The following BCAR3 variants were observed in gnomAD, a reference collection of about 807,000 sequenced individuals.
BCAR3 encodes BCAR3 adaptor protein, NSP family member.
In BCAR3, 37 loss-of-function variants were observed where a neutral mutation model predicts 80.1. The observed-to-expected ratio is 0.46, with a 90% CI of 0.36 to 0.61. The LOEUF is 0.61. Among genes scored for constraint, BCAR3 ranks in the 20% least tolerant of loss-of-function variants. The pLI is 0.00. For missense variants in BCAR3, 978 were observed against 1,068.2 expected (o/e 0.92, Z 1.18); for synonymous variants, 389 against 418.9 (o/e 0.93, Z 0.87).
At chr1:93,728,312 G>C (rs555556858) in intron 2 of BCAR3, among the ~76,000 whole-genome samples, 1 of 152,234 alleles carries the variant, frequency 6.6e-6, no homozygotes, top group Non-Finnish European at 1.5e-5. Flanking sequence ...CGGGCAGGTC[G>C]TGGGGCTCCC....
At chr1:93,766,343 T>G (rs1014330976) in intron 2 of BCAR3, among the ~76,000 whole-genome samples, 1 of 152,196 alleles carries the variant, frequency 6.6e-6, no homozygotes, top group African/African-American at 2.4e-5. Flanking sequence ...TAACACTAAG[T>G]GTGCATGTGT....
At chr1:93,778,125 T>C (rs1019633008) in intron 2 of BCAR3, among the ~76,000 whole-genome samples, 1 of 152,200 alleles carries the variant, frequency 6.6e-6, no homozygotes, top group Non-Finnish European at 1.5e-5. Flanking sequence ...CTTCATCATA[T>C]GCAATTCCTC....
At chr1:93,829,470 G>A (rs965686811) in intron 2 of BCAR3, among the ~76,000 whole-genome samples, 2 of 151,930 alleles carry the variant, frequency 1.3e-5, no homozygotes, top group African/African-American at 4.8e-5. Flanking sequence ...CCTTATCTAT[G>A]CCTTCTCAGT....
At chr1:93,828,677 T>C (rs1428338424) in intron 2 of BCAR3, among the ~76,000 whole-genome samples, 1 of 152,220 alleles carries the variant, frequency 6.6e-6, no homozygotes, top group Non-Finnish European at 1.5e-5. Flanking sequence ...GTATTCATTT[T>C]TGAAGTCTCC....
chr1:93,812,395 A>G (rs572363607), intron 2 of BCAR3, among the ~76,000 whole-genome samples: 14 of 152,170 alleles, frequency 9.2e-5, no homozygotes, highest in Admixed American at 8.5e-4. Flanking sequence ...CAATCTTTTG[A>G]AAGCCCTCTC....
rs183650930 is a variant in BCAR3, at chr1:93,649,393, C to T, written c.318-7050G>A. On this transcript the variant is annotated intron_variant, in intron 2 of 11. Coordinates refer to ENST00000260502, the MANE Select transcript of BCAR3 (RefSeq NM_003567.4). ...TGCCCCAGAAACCACCCACACACAG[C>T]ACCTGGCTTGGCCAACTCTGGTTAT... is the stretch of plus-strand genomic sequence containing the variant. 8.5e-5 allele frequency among the ~76,000 whole-genome samples: 13 copies of T among 152,332 alleles called. No individual in the cohort carries two copies. In the East Asian group the frequency reaches 2.3e-3, roughly 27 times the overall value.
At chr1:93,834,348 C>T (rs1395383127) in intron 2 of BCAR3, among the ~76,000 whole-genome samples, 1 of 152,158 alleles carries the variant, frequency 6.6e-6, no homozygotes, top group Non-Finnish European at 1.5e-5. Context: ...TCTCCTATCC[C>T]TCAATACCTC....
intron 3 of BCAR3, among the ~76,000 whole-genome samples, chr1:93,631,508 G>A (rs1165909809): frequency 6.6e-6 from 1 of 152,198 alleles, no homozygotes; most frequent in African/African-American, 2.4e-5. Context: ...GAAAGCCAGG[G>A]TGGCAGAGGA....
At chr1:93,746,476 A>G (rs1464753310) in intron 2 of BCAR3, among the ~76,000 whole-genome samples, 1 of 152,204 alleles carries the variant, frequency 6.6e-6, no homozygotes, top group Non-Finnish European at 1.5e-5. Context: ...GAGTCTTAAA[A>G]AGAACACTAA....
chr1:93,634,980 T>G (rs1054972024), intron 3 of BCAR3, among the ~76,000 whole-genome samples: 2 of 152,152 alleles, frequency 1.3e-5, no homozygotes, highest in African/African-American at 4.8e-5. Flanking sequence ...ACACATGTAA[T>G]CCCAGCACTT....
chr1:93,677,476 T>C (rs57291093), intron 1 of BCAR3, among the ~76,000 whole-genome samples: 2,347 of 152,246 alleles, frequency 0.015, 65 homozygotes, highest in African/African-American at 0.052. Context: ...ACCCAGTCTG[T>C]ACCCAAGTAG....
chr1:93,572,961 T>G (rs749048639), intron 8 of BCAR3, among the ~76,000 whole-genome samples: 2 of 152,198 alleles, frequency 1.3e-5, no homozygotes, highest in Non-Finnish European at 2.9e-5. Flanking sequence ...GGGCTCTGCC[T>G]CCAAGTGTGT....
In BCAR3 at chr1:93,674,683, G is replaced by A. The variant is rs370836321; in HGVS notation, c.248C>T (p.Ser83Leu). ...CTGGATGCCATCCTGGGTCACAGGC[G>A]AGTTCTGCCGTGGGGATTTGGAGTG... ...LPHSKSPRQNSPVTQDGIQES... is the reference protein window; with the variant it reads ...LPHSKSPRQNLPVTQDGIQES... The change falls in exon 2 of 12, where the codon TCG becomes TTG. Residue 83 changes from serine (S) to leucine (L), a missense_variant. Transcript: ENST00000260502. 10 of 1,614,076 alleles carry A rather than the reference G, an allele frequency of 6.2e-6. No individual in the cohort carries two copies. The highest frequency in any genetic ancestry group is 7.6e-6 in the Non-Finnish European group (9 of 1,180,004).
intron 2 of BCAR3, among the ~76,000 whole-genome samples, chr1:93,768,632 GA>G (rs1652243353): frequency 1.3e-5 from 2 of 152,258 alleles, no homozygotes; most frequent in South Asian, 4.1e-4. Context: ...ATATGAAGGG[GA>G]AAAAAGTTTA....
In BCAR3 at chr1:93,778,873, AT is replaced by A. The variant is rs571623894; in HGVS notation, c.-63+66693del. ...AAACCATTATACAATCACATATTTAATTATCAATTCCCTCACAATATATAGG... is the reference window on the plus strand; with the variant it reads ...AAACCATTATACAATCACATATTTAATATCAATTCCCTCACAATATATAGG... On this transcript the variant is annotated intron_variant, in intron 2 of 13. Coordinates refer to the BCAR3 transcript ENST00000370244. 3.9e-5 allele frequency among the ~76,000 whole-genome samples: 6 copies of A among 152,264 alleles called. No individual in the cohort carries two copies. In the South Asian group the frequency reaches 1.2e-3, roughly 32 times the overall value.
chr1:93,699,532 C>T (rs1017446749), intron 3 of BCAR3, among the ~76,000 whole-genome samples: 14 of 152,132 alleles, frequency 9.2e-5, no homozygotes, highest in African/African-American at 3.1e-4. Flanking sequence ...GGCAGAAGAA[C>T]TCATGAGGTG....
chr1:93,695,103 G>A (rs974655700), intron 3 of BCAR3, among the ~76,000 whole-genome samples: 11 of 152,122 alleles, frequency 7.2e-5, no homozygotes, highest in Non-Finnish European at 1.2e-4. Context: ...GTCATGCATC[G>A]ACATCATTCT....
intron 7 of BCAR3, among the ~76,000 whole-genome samples, chr1:93,579,382 C>T (rs1258907398): frequency 6.6e-6 from 1 of 152,182 alleles, no homozygotes; most frequent in Non-Finnish European, 1.5e-5. Flanking sequence ...ACTCCAGAGA[C>T]AGGGAAGAAG....
intron 2 of BCAR3, among the ~76,000 whole-genome samples, chr1:93,711,092 G>C (rs1650004658): frequency 6.6e-6 from 1 of 152,220 alleles, no homozygotes; most frequent in Non-Finnish European, 1.5e-5. Flanking sequence ...ATAAGAAAGA[G>C]AGAGAGAAGG....
Sources: gnomAD v4.1 joint callset for allele counts (sites outside exome capture counted in the v4.1 genomes callset) on GRCh38, gnomAD v4.1.1 for gene constraint, MANE v1.5 for transcripts, NCBI Gene and HGNC (gene_info 2026-07-23, HGNC 2026-07-21) for gene names.